The following CDH11 variants were observed in gnomAD, a reference collection of about 807,000 sequenced individuals.
CDH11 encodes cadherin 11, also known as cadherin-11.
In CDH11, 11 loss-of-function variants were observed where a neutral mutation model predicts 67.8. The ratio of observed to expected loss-of-function variants is 0.16; its 90% CI spans 0.10 to 0.27. CDH11 has a LOEUF of 0.27. CDH11 is among the 10% of genes least tolerant of loss of function. The probability of loss-of-function intolerance (pLI) is 1.00; values close to 1 mark genes in which losing one functional copy is unlikely to be tolerated. For missense variants in CDH11, 847 were observed against 1,031.2 expected (o/e 0.82, Z 2.45); for synonymous variants, 419 against 400.0 (o/e 1.05, Z -0.57).
At chr16:65,085,644 A>G (rs1443425985) in intron 1 of CDH11, among the ~76,000 whole-genome samples, 1 of 152,190 alleles carries the variant, frequency 6.6e-6, no homozygotes, top group Non-Finnish European at 1.5e-5. Context: ...TGCTACAGAG[A>G]TCCACTCGGT....
At chr16:65,112,476 T>C (rs550644948) in intron 1 of CDH11, among the ~76,000 whole-genome samples, 1 of 152,326 alleles carries the variant, frequency 6.6e-6, no homozygotes, top group South Asian at 2.1e-4. Flanking sequence ...CCTTACAGTA[T>C]GAAGCCTTGA....
intron 7 of CDH11, chr16:64,987,254 T>G (rs35201): frequency 6.6e-6 from 1 of 151,978 alleles, no homozygotes; most frequent in Non-Finnish European, 1.5e-5. Flanking sequence ...ATCTGGCTCT[T>G]CTTTACAAAC....
chr16:65,032,135 C>T (rs1027637967), intron 2 of CDH11, among the ~76,000 whole-genome samples: 3 of 152,020 alleles, frequency 2.0e-5, no homozygotes, highest in African/African-American at 2.4e-5. Flanking sequence ...GAGTTAGAAA[C>T]AGGAATGATA....
chr16:65,079,304 G>C (rs1001166670), intron 1 of CDH11, among the ~76,000 whole-genome samples: 140 of 152,306 alleles, frequency 9.2e-4, no homozygotes, highest in African/African-American at 3.2e-3. Context: ...AAAAGGAGTT[G>C]AGGGGAAATA....
intron 1 of CDH11, among the ~76,000 whole-genome samples, chr16:65,113,287 GA>G (rs199622606): frequency 0.24 from 31,532 of 128,826 alleles, 3,478 homozygotes; most frequent in Middle Eastern, 0.36. Flanking sequence ...TTCCATCTCA[GA>G]AAAAAAAAAA....
intron 11 of CDH11, among the ~76,000 whole-genome samples, chr16:64,955,546 C>T (rs940270418): frequency 6.6e-6 from 1 of 152,122 alleles, no homozygotes; most frequent in African/African-American, 2.4e-5. Context: ...CTAGACCAGC[C>T]TGGGCAACAT....
chr16:65,038,883 G>A (rs2073808481), intron 2 of CDH11, among the ~76,000 whole-genome samples: 1 of 152,168 alleles, frequency 6.6e-6, no homozygotes, highest in Admixed American at 6.5e-5. Flanking sequence ...ATTTCACAGG[G>A]ATGCTCTAAG....
At chr16:65,091,637 C>T (rs575549200) in intron 1 of CDH11, among the ~76,000 whole-genome samples, 3 of 151,426 alleles carry the variant, frequency 2.0e-5, no homozygotes, top group African/African-American at 7.3e-5. Flanking sequence ...CTGCAAGCTC[C>T]GCCTCCTGGG....
chr16:64,980,174 T>A (rs964933893), intron 8 of CDH11, among the ~76,000 whole-genome samples: 3 of 151,942 alleles, frequency 2.0e-5, no homozygotes, highest in Admixed American at 2.0e-4. Flanking sequence ...CTTCATGAAA[T>A]ATACTAAAAA....
rs17500088 is a variant in CDH11 at position 64,943,950 on chromosome 16, C to T, written c.*3653G>A. On this transcript the variant is annotated 3_prime_UTR_variant, in exon 13 of 13. Transcript: ENST00000268603. The stretch of plus-strand genomic sequence containing the variant: ...CAAAATAAGTTTAAAGAGTTGTCAT[C>T]GATACAAAATAACAAGGGTGACCTG... The T allele has an allele frequency of 0.17, 39,180 of 230,338 alleles. 4,132 individuals are homozygous for T. Among genetic ancestry groups the T allele is most frequent in the East Asian group, 0.29 (4,669 of 16,290 alleles). The allele number at this position is 230,338 out of a possible 1,614,324, so 14.3% of individuals were successfully genotyped here. A position where few individuals can be genotyped will look rare whatever the true frequency, so the allele number is the denominator to read the frequency against.
intron 1 of CDH11, among the ~76,000 whole-genome samples, chr16:65,103,623 T>G (rs1227721082): frequency 6.6e-6 from 1 of 152,172 alleles, no homozygotes; most frequent in Non-Finnish European, 1.5e-5. Flanking sequence ...CAACAGTGTC[T>G]TCCTCACCAA....
At chr16:65,080,103 C>T (rs775310166) in intron 1 of CDH11, among the ~76,000 whole-genome samples, 6 of 151,770 alleles carry the variant, frequency 4.0e-5, no homozygotes, top group Admixed American at 6.6e-5. Context: ...CTTCTTCTGT[C>T]GTACCTGACT....
intron 1 of CDH11, among the ~76,000 whole-genome samples, chr16:65,061,398 T>A (rs534086390): frequency 1.3e-5 from 2 of 152,358 alleles, no homozygotes; most frequent in South Asian, 4.1e-4. Context: ...ACAGGTATAA[T>A]TTGTAATTTG....
intron 1 of CDH11, among the ~76,000 whole-genome samples, chr16:65,056,524 T>C (rs774384526): frequency 1.3e-5 from 2 of 152,182 alleles, no homozygotes; most frequent in African/African-American, 2.4e-5. Context: ...AATAGATAAC[T>C]GGAATGTTAT....
At chr16:65,057,578 T>A (rs1177150800) in intron 1 of CDH11, among the ~76,000 whole-genome samples, 1 of 152,184 alleles carries the variant, frequency 6.6e-6, no homozygotes, top group Non-Finnish European at 1.5e-5. Flanking sequence ...GATGCAGCTG[T>A]GACTGTGGCA....
chr16:65,055,544 T>G (rs1212590765), intron 1 of CDH11, among the ~76,000 whole-genome samples: 2 of 152,206 alleles, frequency 1.3e-5, no homozygotes, highest in African/African-American at 2.4e-5. Flanking sequence ...TAATTTATCT[T>G]ATTTCATAGG....
At chr16:64,981,103 T>C (rs1340746245) in intron 8 of CDH11, 6 of 40,408 alleles carry the variant, frequency 1.5e-4, no homozygotes, top group Non-Finnish European at 2.6e-4. Context: ...CTTTCTTTTT[T>C]TTTTTTTTTT....
chr16:64,992,022 G>A, intron 5 of CDH11, 87 bp from the exon 6 acceptor site: 1 of 902,994 alleles, frequency 1.1e-6, no homozygotes, highest in Non-Finnish European at 1.7e-6. Context: ...AAGCAATGCT[G>A]AATAAAATAT....
intron 1 of CDH11, among the ~76,000 whole-genome samples, chr16:65,106,551 AG>A (rs2075069883): frequency 1.3e-5 from 2 of 152,220 alleles, no homozygotes; most frequent in African/African-American, 4.8e-5. Context: ...GCATTAGAGA[AG>A]CTGCAATGGG....
Sources: gnomAD v4.1 joint callset for allele counts (sites outside exome capture counted in the v4.1 genomes callset) on GRCh38, gnomAD v4.1.1 for gene constraint, MANE v1.5 for transcripts, NCBI Gene and HGNC (gene_info 2026-07-23, HGNC 2026-07-21) for gene names.